Variants in CMC2 observed in about 807,000 individuals in gnomAD.
CMC2 encodes the protein COX assembly mitochondrial protein 2 homolog.
Under a neutral mutation model 7.5 loss-of-function variants are expected in CMC2, and 5 were observed. The observed-to-expected ratio is 0.66, with a 90% CI of 0.35 to 1.40. The LOEUF is 1.40. Ranked by LOEUF, CMC2 falls within the 40% of genes most tolerant of loss-of-function variation. CMC2 has a pLI of 0.04. For missense variants in CMC2, 115 were observed against 92.3 expected (o/e 1.25, Z -1.01); for synonymous variants, 37 against 31.4 (o/e 1.18, Z -0.60).
In CMC2 at chr16:80,974,271, G is replaced by A. The variant is rs1357484456; in HGVS notation, c.*1822C>T. On this transcript the variant is annotated 3_prime_UTR_variant, in exon 4 of 4. Transcript: ENST00000219400. Reference sequence around the variant, plus strand: ...ATCCAGGCCCTCATTTCTCACTCAAGTTAGCACAAAAACCTAATTGCTCTC... The same window carrying A: ...ATCCAGGCCCTCATTTCTCACTCAAATTAGCACAAAAACCTAATTGCTCTC... 6.6e-6 allele frequency: 1 copy of A among 152,152 alleles called. No homozygotes were observed. The highest frequency in any genetic ancestry group is 1.5e-5 in the Non-Finnish European group (1 of 68,054). 9.4% of individuals were successfully genotyped at this position (152,152 alleles called of 1,614,324 possible).
At chr16:80,991,266 G>T (rs1045183368) in intron 2 of CMC2, among the ~76,000 whole-genome samples, 1 of 152,114 alleles carries the variant, frequency 6.6e-6, no homozygotes, top group Admixed American at 6.6e-5. Flanking sequence ...TAACTTCCCA[G>T]TCCTTACGTG....
At position 81,006,827 on chromosome 16, in the gene CMC2, C is replaced by G. The variant is rs558287757; in HGVS notation, c.-129G>C. 1.0e-6 allele frequency: 1 copy of G among 985,604 alleles called. No homozygotes were observed. The highest frequency in any genetic ancestry group is 1.2e-6 in the Non-Finnish European group (1 of 830,058). 61.1% of individuals were successfully genotyped at this position (985,604 alleles called of 1,614,324 possible). A position where few individuals can be genotyped will look rare whatever the true frequency, so the allele number is the denominator to read the frequency against. On this transcript the variant is annotated 5_prime_UTR_variant, in exon 1 of 4. Coordinates refer to ENST00000219400, the MANE Select transcript of CMC2 (RefSeq NM_020188.5). Reference sequence around the variant, plus strand: ...GCTGCTAGGGAGCAGACAGCTGAACCGCTTGCCAGACGCCGAAACCCAGTG... The same window carrying G: ...GCTGCTAGGGAGCAGACAGCTGAACGGCTTGCCAGACGCCGAAACCCAGTG...
At chr16:80,996,249 A>G (rs1029610848) in intron 2 of CMC2, among the ~76,000 whole-genome samples, 1 of 152,296 alleles carries the variant, frequency 6.6e-6, no homozygotes, top group East Asian at 1.9e-4. Context: ...CAATAACAAG[A>G]CTGAAATGTT....
intron 2 of CMC2, chr16:80,983,742 G>A (rs1360185434): frequency 6.6e-6 from 1 of 152,244 alleles, no homozygotes; most frequent in Non-Finnish European, 1.5e-5. Context: ...AGCACTTTGG[G>A]AGGCCAAGGT....
chr16:80,992,636 T>C (rs2151637788), intron 2 of CMC2, among the ~76,000 whole-genome samples: 1 of 152,266 alleles, frequency 6.6e-6, no homozygotes, highest in South Asian at 2.1e-4. Context: ...ATCTTTTCTT[T>C]TTTTTTTAAA....
intron 2 of CMC2, chr16:80,996,941 A>G (rs1371356303): frequency 2.4e-6 from 1 of 419,840 alleles, no homozygotes; most frequent in East Asian, 7.1e-5. Context: ...ACAGAATGGT[A>G]GCCATCAAAG....
intron 2 of CMC2, chr16:80,983,108 T>A (rs72823281): frequency 0.044 from 6,712 of 153,356 alleles, 212 homozygotes; most frequent in Non-Finnish European, 0.063. Context: ...CTCTTCCTTA[T>A]TTTTTCTCTA....
At chr16:80,979,037 C>A (rs142688810) in intron 3 of CMC2, among the ~76,000 whole-genome samples, 1 of 151,410 alleles carries the variant, frequency 6.6e-6, no homozygotes, top group Non-Finnish European at 1.5e-5. Context: ...GCTGAGATTG[C>A]GCCACTGCAC....
Position 80,971,623 on chromosome 16 carries a change from T to C in CMC2, c.*4470A>G, listed in dbSNP as rs528266920. ...GCATATATATATATGTATGAAATCA[T>C]GCATGAGAATGAAATATATCAAAGT... On this transcript the variant is annotated 3_prime_UTR_variant, in exon 4 of 4. Transcript: ENST00000219400. 44 of 148,220 alleles carry C rather than the reference T, an allele frequency of 3.0e-4. No individual in the cohort carries two copies. The highest frequency in any genetic ancestry group is 2.0e-3 in the Admixed American group (30 of 14,942). The allele number at this position is 148,220 out of a possible 1,614,324, so 9.2% of individuals were successfully genotyped here.
rs1479327265 is a variant in CMC2, at chr16:80,968,527, C to T, written c.*7566G>A. 1.3e-5 allele frequency: 2 copies of T among 152,154 alleles called. No homozygotes were observed. Among genetic ancestry groups the T allele is most frequent in the East Asian group, 3.8e-4 (2 of 5,196 alleles). The allele number at this position is 152,154 out of a possible 1,614,324, so 9.4% of individuals were successfully genotyped here. A position where few individuals can be genotyped will look rare whatever the true frequency, so the allele number is the denominator to read the frequency against. On this transcript the variant is annotated 3_prime_UTR_variant, in exon 4 of 4. Coordinates refer to ENST00000219400, the MANE Select transcript of CMC2 (RefSeq NM_020188.5). ...TTGCCATGCCCTCCCCAACTCCCATCCTCCCCCCATCTTCTAGGAATGAGT... is the reference window on the plus strand; with the variant it reads ...TTGCCATGCCCTCCCCAACTCCCATTCTCCCCCCATCTTCTAGGAATGAGT...
Position 80,969,337 on chromosome 16 carries a change from A to C in CMC2, c.*6756T>G, listed in dbSNP as rs1040461397. 29 of 152,388 alleles carry C rather than the reference A, an allele frequency of 1.9e-4. No individual in the cohort carries two copies. The highest frequency in any genetic ancestry group is 6.5e-4 in the African/African-American group (27 of 41,448). 9.4% of individuals were successfully genotyped at this position (152,388 alleles called of 1,614,324 possible). A position where few individuals can be genotyped will look rare whatever the true frequency, so the allele number is the denominator to read the frequency against. ...GAGGCACAAGGTACCTGAACCAACTAAGGACCGAAGAACCCAAAACAACAG... is the reference window on the plus strand; with the variant it reads ...GAGGCACAAGGTACCTGAACCAACTCAGGACCGAAGAACCCAAAACAACAG... On this transcript the variant is annotated 3_prime_UTR_variant, in exon 4 of 4. Transcript: ENST00000219400.
rs143831427 is a variant in CMC2, at chr16:80,996,932, C to T, written c.81+382G>A. The stretch of plus-strand genomic sequence containing the variant: ...AACACGTTTCTATTACCATTAAACA[C>T]AGAATGGTAGCCATCAAAGAGCAGA... On this transcript the variant is annotated intron_variant, in intron 2 of 3. Transcript: ENST00000219400. 249 of 400,472 alleles carry T rather than the reference C, an allele frequency of 6.2e-4. 2 individuals carry two copies. The highest frequency in any genetic ancestry group is 4.7e-3 in the African/African-American group (225 of 47,878). The allele number at this position is 400,472 out of a possible 1,614,324, so 24.8% of individuals were successfully genotyped here. A position where few individuals can be genotyped will look rare whatever the true frequency, so the allele number is the denominator to read the frequency against.
chr16:80,999,197 C>A (rs1299951753), intron 1 of CMC2, among the ~76,000 whole-genome samples: 7 of 152,198 alleles, frequency 4.6e-5, no homozygotes, highest in African/African-American at 1.4e-4. Flanking sequence ...CCTAAAGACT[C>A]TGCCAAATGA....
rs1193582643 is a variant in CMC2, at chr16:80,970,075, C to T, written c.*6018G>A. On this transcript the variant is annotated 3_prime_UTR_variant, in exon 4 of 4. Transcript: ENST00000219400. ...AAAAGGACAGTGTAGTAAGCAATGA[C>T]AGACAGGTATTTAAATAACTTACCT... 2 of 152,198 alleles carry T rather than the reference C, an allele frequency of 1.3e-5. No homozygotes were observed. The highest frequency in any genetic ancestry group is 1.9e-4 in the East Asian group (1 of 5,184). The allele number at this position is 152,198 out of a possible 1,614,324, so 9.4% of individuals were successfully genotyped here. A position where few individuals can be genotyped will look rare whatever the true frequency, so the allele number is the denominator to read the frequency against.
At chr16:80,990,676 C>T (rs1357570836) in intron 2 of CMC2, among the ~76,000 whole-genome samples, 5 of 152,086 alleles carry the variant, frequency 3.3e-5, no homozygotes, top group South Asian at 2.1e-4. Context: ...GACTTCTTCA[C>T]GAAATATATC....
At chr16:81,005,042 T>C (rs143258286) in intron 1 of CMC2, among the ~76,000 whole-genome samples, 57 of 152,146 alleles carry the variant, frequency 3.7e-4, no homozygotes, top group African/African-American at 1.3e-3. Context: ...TACTGCAAAA[T>C]AAGCAAAAAA....
intron 2 of CMC2, among the ~76,000 whole-genome samples, chr16:80,986,823 A>T (rs539320316): frequency 2.0e-4 from 30 of 152,266 alleles, no homozygotes; most frequent in Non-Finnish European, 3.5e-4. Flanking sequence ...TGGAACAGTT[A>T]AGTCCACTAT....
chr16:80,985,962 C>G (rs900164254), intron 2 of CMC2, among the ~76,000 whole-genome samples: 2 of 146,476 alleles, frequency 1.4e-5, no homozygotes, highest in Non-Finnish European at 3.0e-5. Flanking sequence ...GTGGTGAAGA[C>G]TAACAGCTAC....
intron 2 of CMC2, among the ~76,000 whole-genome samples, chr16:80,986,118 C>CG (rs565060007): frequency 1.3e-5 from 2 of 152,232 alleles, no homozygotes; most frequent in South Asian, 4.2e-4. Flanking sequence ...GAGGCCCAGG[C>CG]GGGCGGATCA....
Sources: allele counts gnomAD v4.1 joint callset (sites outside exome capture counted in the v4.1 genomes callset), GRCh38; gene constraint gnomAD v4.1.1; transcripts MANE v1.5; gene names NCBI Gene and HGNC (gene_info 2026-07-23, HGNC 2026-07-21).